The following AHNAK variants were observed in gnomAD, a reference collection of about 807,000 sequenced individuals.
AHNAK encodes neuroblast differentiation-associated protein AHNAK.
AHNAK carries 23 observed loss-of-function variants against 37.8 expected under a neutral mutation model. The observed-to-expected ratio is 0.61, with a 90% CI of 0.44 to 0.86. AHNAK has a LOEUF of 0.86. Among genes scored for constraint, AHNAK ranks in the 40% least tolerant of loss-of-function variants. The probability of loss-of-function intolerance (pLI) is 0.00; values close to 1 mark genes in which losing one functional copy is unlikely to be tolerated. For synonymous variants in AHNAK, 2,481 were observed against 2,636.3 expected (o/e 0.94, Z 1.80); for missense variants, 7,411 against 7,319.4 (o/e 1.01, Z -0.46).
At position 62,518,555 on chromosome 11, in the gene AHNAK, G is replaced by C. The variant is rs1940110030; in HGVS notation, c.15862C>G (p.Pro5288Ala). ...TTTGGCATAGAGAGGTTCACTGAAGGCAAGTCTACTCCTGGCCCCTTTAGA... is the reference window on the plus strand; with the variant it reads ...TTTGGCATAGAGAGGTTCACTGAAGCCAAGTCTACTCCTGGCCCCTTTAGA... Reference protein sequence around the residue: ...VSLKGPGVDLPSVNLSMPKVS... With the variant: ...VSLKGPGVDLASVNLSMPKVS... Residue 5288 changes from proline (P) to alanine (A), a missense_variant, in exon 5 of 5, where the codon CCT becomes GCT. Pro to Ala is a conservative substitution (Grantham distance 27, BLOSUM62 -1). Coordinates refer to ENST00000378024, the MANE Select transcript of AHNAK (RefSeq NM_001620.3). The C allele has an allele frequency of 1.2e-6, 2 of 1,614,040 alleles. No homozygotes were observed. The highest frequency in any genetic ancestry group is 1.7e-6 in the Non-Finnish European group (2 of 1,180,004).
chr11:62,447,785 C>G (rs1268063583), intron 5 of AHNAK, among the ~76,000 whole-genome samples: 1 of 152,180 alleles, frequency 6.6e-6, no homozygotes, highest in Non-Finnish European at 1.5e-5. Flanking sequence ...ATGCCCTCAT[C>G]ATCTACCTGT....
intron 4 of AHNAK, among the ~76,000 whole-genome samples, chr11:62,509,916 TCAAAA>T (rs1289020168): frequency 6.6e-6 from 1 of 152,042 alleles, no homozygotes; most frequent in Non-Finnish European, 1.5e-5. Context: ...AGACTCTGAC[TCAAAA>T]CAAACAAAAA....
intron 4 of AHNAK, among the ~76,000 whole-genome samples, chr11:62,498,400 C>A (rs1474115184): frequency 6.8e-6 from 1 of 147,000 alleles, no homozygotes; most frequent in Admixed American, 6.7e-5. Flanking sequence ...TAAGATTACA[C>A]TAAATGTAAT....
intron 5 of AHNAK, among the ~76,000 whole-genome samples, chr11:62,451,230 T>A (rs1938530986): frequency 6.6e-6 from 1 of 150,844 alleles, no homozygotes; most frequent in South Asian, 2.1e-4. Flanking sequence ...AACAACATAA[T>A]GTGTTTAGGA....
intron 5 of AHNAK, among the ~76,000 whole-genome samples, chr11:62,467,847 G>T (rs947947937): frequency 1.3e-5 from 2 of 152,162 alleles, no homozygotes; most frequent in African/African-American, 4.8e-5. Flanking sequence ...TATATTCAGT[G>T]GCCCAAAATG....
At chr11:62,474,835 T>C (rs951534607) in intron 5 of AHNAK, among the ~76,000 whole-genome samples, 1 of 152,170 alleles carries the variant, frequency 6.6e-6, no homozygotes, top group Non-Finnish European at 1.5e-5. Context: ...TGGGGTGTCT[T>C]CCTTCTCCCA....
At chr11:62,508,366 C>T (rs972405307) in intron 4 of AHNAK, among the ~76,000 whole-genome samples, 2 of 152,202 alleles carry the variant, frequency 1.3e-5, no homozygotes, top group African/African-American at 4.8e-5. Flanking sequence ...CCGAGCCTCA[C>T]CTTTCTGGTT....
In AHNAK at chr11:62,517,951, T is replaced by C; in HGVS notation, c.16466A>G (p.Glu5489Gly). 1 of 1,614,196 alleles carries C rather than the reference T, an allele frequency of 6.2e-7. No homozygotes were observed. The highest frequency in any genetic ancestry group is 8.5e-7 in the Non-Finnish European group (1 of 1,180,034). The part of the protein sequence containing the change: ...GLPGIGVQGL[E>G]GNLQMPGIKS... ...AATTCCAGGCATCTGGAGGTTTCCT[T>C]CTAGGCCTTGAACACCAATGCCTGG... is the stretch of plus-strand genomic sequence containing the variant. Residue 5489 changes from glutamate to glycine, a missense_variant, in exon 5 of 5, where the codon GAA becomes GGA. Coordinates refer to ENST00000378024, the MANE Select transcript of AHNAK (RefSeq NM_001620.3).
Position 62,529,043 on chromosome 11 carries a change from C to T in AHNAK, c.5374G>A (p.Gly1792Arg), listed in dbSNP as rs758228145. 6.2e-6 allele frequency: 10 copies of T among 1,614,162 alleles called. No homozygotes were observed. Among genetic ancestry groups the T allele is most frequent in the South Asian group, 2.2e-5 (2 of 91,076 alleles). Residue 1792 changes from glycine to arginine, a missense_variant, in exon 5 of 5, where the codon GGA becomes AGA. Gly to Arg is a moderately radical substitution (Grantham distance 125, BLOSUM62 -2). Coordinates refer to ENST00000378024, the MANE Select transcript of AHNAK (RefSeq NM_001620.3). ...SMPDVDLNLK[G>R]PKLKGEIDAS... ...TCTATCTCTCCCTTCAGTTTGGGTC[C>T]CTTCAAATTCAAGTCCACATCTGGC...
In AHNAK at chr11:62,527,422, A is replaced by G. The variant is rs201476184; in HGVS notation, c.6995T>C (p.Val2332Ala). 78 of 1,614,188 alleles carry G rather than the reference A, an allele frequency of 4.8e-5. No homozygotes were observed. In the South Asian group the frequency reaches 7.9e-4, roughly 16 times the overall value. Residue 2332 changes from valine (V) to alanine (A), a missense_variant, in exon 5 of 5, where the codon GTT becomes GCT. Coordinates refer to ENST00000378024, the MANE Select transcript of AHNAK (RefSeq NM_001620.3). ...CTCTCCCTCCAGCTTTGGGGCAGAA[A>G]CATCAACATCTCCTTTGATTTTGGG... is the stretch of plus-strand genomic sequence containing the variant. Reference protein sequence around the residue: ...KGPKIKGDVDVSAPKLEGELK... With the variant: ...KGPKIKGDVDASAPKLEGELK...
Position 62,523,620 on chromosome 11 carries a change from A to T in AHNAK, c.10797T>A (p.His3599Gln). 6.2e-7 allele frequency: 1 copy of T among 1,613,750 alleles called. No homozygotes were observed. Among genetic ancestry groups the T allele is most frequent in the Non-Finnish European group, 8.5e-7 (1 of 1,179,900 alleles). ...GCATTTTCACTTTGGGCATCTTCAG[A>T]TGCCAGTCTGGACCATGAACATCCA... is the stretch of plus-strand genomic sequence containing the variant. ...PDVDVHGPDW[H>Q]LKMPKVKMPK... The change falls in exon 5 of 5, where the codon CAT becomes CAA. Residue 3599 changes from histidine to glutamine, a missense_variant. By Grantham distance (24) the His-to-Gln change is conservative (BLOSUM62 0). Coordinates refer to ENST00000378024, the MANE Select transcript of AHNAK (RefSeq NM_001620.3).
Position 62,517,232 on chromosome 11 carries a change from T to C in AHNAK, c.17185A>G (p.Thr5729Ala). The change falls in exon 5 of 5, where the codon ACT becomes GCT. Residue 5729 changes from threonine (T) to alanine (A), a missense_variant. By Grantham distance (58) the Thr-to-Ala change is moderately conservative. Transcript: ENST00000378024. The part of the protein sequence containing the change: ...FSKPKGKGGV[T>A]GSPEASISGS... ...GAAATTGATGCTTCTGGTGAGCCAG[T>C]GACACCACCTTTCCCTTTAGGTTTG... 6.2e-7 allele frequency: 1 copy of C among 1,614,188 alleles called. No individual in the cohort carries two copies. The highest frequency in any genetic ancestry group is 8.5e-7 in the Non-Finnish European group (1 of 1,180,052).
intron 5 of AHNAK, among the ~76,000 whole-genome samples, chr11:62,458,577 G>A (rs1938717913): frequency 6.6e-6 from 1 of 152,162 alleles, no homozygotes; most frequent in Admixed American, 6.5e-5. Context: ...TTGGAGGGTG[G>A]GAGGAGGGCA....
At position 62,524,507 on chromosome 11, in the gene AHNAK, C is replaced by T. The variant is rs759716934; in HGVS notation, c.9910G>A (p.Gly3304Ser). ...SMPEIDLNLK[G>S]SKLKGDVDVS... Reference sequence around the variant, plus strand: ...TCAACATCTCCCTTAAGCTTTGAGCCTTTCAAATTCAAGTCAATTTCTGGC... The same window carrying T: ...TCAACATCTCCCTTAAGCTTTGAGCTTTTCAAATTCAAGTCAATTTCTGGC... Residue 3304 changes from glycine (G) to serine (S), a missense_variant, in exon 5 of 5, where the codon GGC becomes AGC. Transcript: ENST00000378024. 98 of 1,614,028 alleles carry T rather than the reference C, an allele frequency of 6.1e-5. No individual in the cohort carries two copies. The highest frequency in any genetic ancestry group is 8.0e-5 in the Non-Finnish European group (94 of 1,180,026).
chr11:62,470,863 C>T (rs1565205217), intron 5 of AHNAK, among the ~76,000 whole-genome samples: 2 of 151,916 alleles, frequency 1.3e-5, no homozygotes, highest in African/African-American at 2.4e-5. Flanking sequence ...TAATCCAGTG[C>T]TTACCCAGCT....
chr11:62,545,084 G>A (rs1941264602), intron 1 of AHNAK, among the ~76,000 whole-genome samples: 1 of 152,216 alleles, frequency 6.6e-6, no homozygotes, highest in Non-Finnish European at 1.5e-5. Context: ...AGACTCCGGA[G>A]GTCTAAGGAC....
intron 4 of AHNAK, among the ~76,000 whole-genome samples, chr11:62,507,588 T>A (rs1366304880): frequency 6.6e-6 from 1 of 152,070 alleles, no homozygotes; most frequent in Non-Finnish European, 1.5e-5. Flanking sequence ...GTCAGGAGTT[T>A]GAGACCAGCC....
chr11:62,522,991 A>G lies in AHNAK; in HGVS notation c.11426T>C (p.Met3809Thr). Residue 3809 changes from methionine to threonine, a missense_variant, in exon 5 of 5, where the codon ATG becomes ACG. By Grantham distance (81) the Met-to-Thr change is moderately conservative. Transcript: ENST00000378024. Reference protein sequence around the residue: ...DWHLKMPKVKMPKFSMPGFKG... With the variant: ...DWHLKMPKVKTPKFSMPGFKG... ...GAAGCCAGGCATGCTGAACTTGGGC[A>G]TTTTCACCTTGGGCATCTTCAGGTG... is the stretch of plus-strand genomic sequence containing the variant. 1 of 1,613,510 alleles carries G rather than the reference A, an allele frequency of 6.2e-7. No homozygotes were observed. Among genetic ancestry groups the G allele is most frequent in the Non-Finnish European group, 8.5e-7 (1 of 1,179,906 alleles).
intron 5 of AHNAK, among the ~76,000 whole-genome samples, chr11:62,487,501 G>C (rs1939416512): frequency 6.6e-6 from 1 of 152,152 alleles, no homozygotes; most frequent in African/African-American, 2.4e-5. Flanking sequence ...CAACATTTAG[G>C]ACACAGCGTA....
Sources: allele counts gnomAD v4.1 joint callset (sites outside exome capture counted in the v4.1 genomes callset), GRCh38; gene constraint gnomAD v4.1.1; transcripts MANE v1.5; gene names NCBI Gene and HGNC (gene_info 2026-07-23, HGNC 2026-07-21).